Variants in CEP170 observed in about 807,000 individuals in gnomAD.
CEP170 encodes the protein centrosomal protein of 170 kDa.
CEP170 carries 21 observed loss-of-function variants against 151.9 expected under a neutral mutation model. That is an observed-to-expected ratio of 0.14 (90% CI 0.10 to 0.20). The LOEUF is 0.20. Among genes scored for constraint, CEP170 ranks in the 10% least tolerant of loss-of-function variants. The pLI, the probability that CEP170 is intolerant of heterozygous loss-of-function variation, is 1.00. For synonymous variants in CEP170, 356 were observed against 648.8 expected (o/e 0.55, Z 6.86); for missense variants, 964 against 1,892.9 (o/e 0.51, Z 9.11).
Position 243,139,970 on chromosome 1 carries a change from T to C in CEP170, c.4197A>G (p.Thr1399=), listed in dbSNP as rs1426076178. The part of the protein sequence containing the change: ...PQAAEPPDHL[T]ITRRRTWSRD... ...TGCTCCAGGTTCTCCGCCTTGTAAT[T>C]GTTAAGTGATCGGGAGGCTCTGCTG... The change falls in exon 16 of 20, where the codon ACA becomes ACG. Residue 1399 remains threonine, a synonymous_variant. Coordinates refer to ENST00000366542, the MANE Select transcript of CEP170 (RefSeq NM_014812.3). 1 of 1,613,124 alleles carries C rather than the reference T, an allele frequency of 6.2e-7. No homozygotes were observed. The highest frequency in any genetic ancestry group is 8.5e-7 in the Non-Finnish European group (1 of 1,179,356).
chr1:243,254,887 A>G (rs568569696), intron 1 of CEP170, among the ~76,000 whole-genome samples, 153 bp downstream of exon 1: 76 of 151,804 alleles, frequency 5.0e-4, no homozygotes, highest in African/African-American at 1.8e-3. Flanking sequence ...GCACCCGGGA[A>G]GCGCCCCCTT....
chr1:243,199,263 T>G (rs574603584), intron 6 of CEP170, 69 bp from the exon 7 acceptor site: 1 of 1,502,568 alleles, frequency 6.7e-7, no homozygotes, highest in East Asian at 2.3e-5. Context: ...CGCAGAATGC[T>G]AGAACTGCCT....
chr1:243,142,065 C>G (rs113641920), intron 15 of CEP170, among the ~76,000 whole-genome samples: 1 of 152,170 alleles, frequency 6.6e-6, no homozygotes, highest in East Asian at 1.9e-4. Flanking sequence ...AAGCTATGGA[C>G]CAAGAATTAG....
intron 7 of CEP170, among the ~76,000 whole-genome samples, chr1:243,197,701 C>A (rs917496967): frequency 1.3e-5 from 2 of 152,052 alleles, no homozygotes; most frequent in African/African-American, 4.8e-5. Context: ...CGGAGAGAAG[C>A]TAGCTAGCTG....
At chr1:243,158,777 A>G (rs2057790185) in intron 13 of CEP170, among the ~76,000 whole-genome samples, 1 of 152,120 alleles carries the variant, frequency 6.6e-6, no homozygotes, top group Non-Finnish European at 1.5e-5. Flanking sequence ...TTTAAAAGCA[A>G]TCAGGGGCCG....
At chr1:243,237,539 T>A in intron 1 of CEP170, among the ~76,000 whole-genome samples, 1 of 152,314 alleles carries the variant, frequency 6.6e-6, no homozygotes, top group Middle Eastern at 3.4e-3. Flanking sequence ...AAATAATGCA[T>A]GCTGGAAAAG....
intron 1 of CEP170, among the ~76,000 whole-genome samples, chr1:243,248,091 G>T (rs1197999542): frequency 1.3e-5 from 2 of 152,310 alleles, no homozygotes; most frequent in African/African-American, 2.4e-5. Context: ...CAGGGCTTTA[G>T]ATTTAGTAGT....
At chr1:243,143,597 A>G (rs2056135608) in intron 14 of CEP170, among the ~76,000 whole-genome samples, 1 of 152,104 alleles carries the variant, frequency 6.6e-6, no homozygotes. Context: ...ACGTTTTCCA[A>G]GCTGCATCTA....
intron 10 of CEP170, among the ~76,000 whole-genome samples, chr1:243,183,793 G>C (rs546272185): frequency 1.3e-5 from 2 of 152,152 alleles, no homozygotes; most frequent in Non-Finnish European, 2.9e-5. Context: ...CTGCTCTAAA[G>C]TCTTGGGTTT....
chr1:243,246,527 C>A (rs942730934), intron 1 of CEP170, among the ~76,000 whole-genome samples: 1 of 151,918 alleles, frequency 6.6e-6, no homozygotes, highest in Non-Finnish European at 1.5e-5. Flanking sequence ...CCACTGGGCC[C>A]GGCCTGTTGT....
At chr1:243,246,592 T>A (rs1015116040) in intron 1 of CEP170, among the ~76,000 whole-genome samples, 5 of 150,362 alleles carry the variant, frequency 3.3e-5, no homozygotes, top group African/African-American at 1.2e-4. Flanking sequence ...GTAGATTACA[T>A]GTTTGAGAAG....
chr1:243,173,803 GTA>G (rs1237554138), intron 10 of CEP170, among the ~76,000 whole-genome samples: 2 of 151,014 alleles, frequency 1.3e-5, no homozygotes, highest in Admixed American at 1.3e-4. Context: ...TTAGAAAAAA[GTA>G]TCTCTTCAGT....
intron 4 of CEP170, among the ~76,000 whole-genome samples, chr1:243,207,125 TA>T (rs2061476716): frequency 1.3e-5 from 2 of 152,012 alleles, no homozygotes; most frequent in African/African-American, 4.8e-5. Context: ...CAAATAAAAG[TA>T]AAAATTATCG....
intron 4 of CEP170, among the ~76,000 whole-genome samples, chr1:243,206,203 G>A (rs1008262482): frequency 1.3e-5 from 2 of 152,136 alleles, no homozygotes; most frequent in African/African-American, 4.8e-5. Context: ...GTACGATCTT[G>A]GCTCATTGCA....
chr1:243,212,846 G>A (rs958535881), intron 3 of CEP170, among the ~76,000 whole-genome samples: 13 of 151,828 alleles, frequency 8.6e-5, no homozygotes, highest in African/African-American at 3.1e-4. Flanking sequence ...TGTATTTTTT[G>A]TAGAGACAAG....
intron 1 of CEP170, among the ~76,000 whole-genome samples, chr1:243,240,689 C>A (rs1385562184): frequency 6.7e-6 from 1 of 148,372 alleles, no homozygotes; most frequent in Non-Finnish European, 1.5e-5. Flanking sequence ...TTAAGATGCA[C>A]TTATTTATTC....
At chr1:243,209,634 C>G (rs918084095) in intron 4 of CEP170, among the ~76,000 whole-genome samples, 1 of 151,762 alleles carries the variant, frequency 6.6e-6, no homozygotes, top group African/African-American at 2.4e-5. Context: ...ATATATAAAA[C>G]CTGCTTTTAA....
chr1:243,180,389 G>C (rs1357971730), intron 10 of CEP170, among the ~76,000 whole-genome samples: 1 of 152,198 alleles, frequency 6.6e-6, no homozygotes, highest in Non-Finnish European at 1.5e-5. Context: ...GGCAGCAGAG[G>C]TTAAGAAGGG....
chr1:243,240,556 T>G (rs1268621353), intron 1 of CEP170, among the ~76,000 whole-genome samples: 1 of 152,164 alleles, frequency 6.6e-6, no homozygotes, highest in African/African-American at 2.4e-5. Flanking sequence ...TATGTGTGTA[T>G]GTATTTATCA....
Sources: gnomAD v4.1 joint callset for allele counts (sites outside exome capture counted in the v4.1 genomes callset) on GRCh38, gnomAD v4.1.1 for gene constraint, MANE v1.5 for transcripts, NCBI Gene and HGNC (gene_info 2026-07-23, HGNC 2026-07-21) for gene names.